The following GAB1 variants were observed in gnomAD, a reference collection of about 807,000 sequenced individuals.
GAB1 encodes the protein GRB2 associated binding protein 1.
Under a neutral mutation model 66.5 loss-of-function variants are expected in GAB1, and 19 were observed. The ratio of observed to expected loss-of-function variants is 0.29; its 90% CI spans 0.20 to 0.42. GAB1 has a LOEUF of 0.42. Ranked by LOEUF, GAB1 falls within the 10% of genes least tolerant of loss-of-function variation. The probability of loss-of-function intolerance (pLI) is 1.00; values close to 1 mark genes in which losing one functional copy is unlikely to be tolerated. For synonymous variants in GAB1, 294 were observed against 301.4 expected (o/e 0.98, Z 0.25); for missense variants, 732 against 858.5 (o/e 0.85, Z 1.84).
chr4:143,371,107 C>G (rs1730103253), intron 1 of GAB1, among the ~76,000 whole-genome samples: 1 of 152,088 alleles, frequency 6.6e-6, no homozygotes, highest in African/African-American at 2.4e-5. Context: ...AGTTCTAGAT[C>G]CCTGAGGAAT....
At chr4:143,346,309 C>T (rs747631209) in intron 1 of GAB1, among the ~76,000 whole-genome samples, 2 of 152,178 alleles carry the variant, frequency 1.3e-5, no homozygotes, top group Non-Finnish European at 2.9e-5. Flanking sequence ...TGAAATGCAG[C>T]TTTTAGTTAC....
chr4:143,459,742 G>A (rs1735385788), intron 7 of GAB1, among the ~76,000 whole-genome samples: 1 of 152,048 alleles, frequency 6.6e-6, no homozygotes. Context: ...CAATAGAAAT[G>A]TGTATTTGTG....
intron 2 of GAB1, among the ~76,000 whole-genome samples, chr4:143,422,950 A>G (rs1039160982): frequency 1.3e-5 from 2 of 152,262 alleles, no homozygotes; most frequent in African/African-American, 2.4e-5. Context: ...GCTTGATACC[A>G]GCATTACTTA....
intron 1 of GAB1, among the ~76,000 whole-genome samples, chr4:143,341,563 G>GT (rs1289221432): frequency 6.6e-6 from 1 of 152,230 alleles, no homozygotes; most frequent in African/African-American, 2.4e-5. Context: ...AAGGTGGCCT[G>GT]TTAGCTGACA....
chr4:143,464,770 C>T (rs1735692462), intron 8 of GAB1, among the ~76,000 whole-genome samples: 1 of 152,148 alleles, frequency 6.6e-6, no homozygotes, highest in Non-Finnish European at 1.5e-5. Context: ...AAAAAGGTTC[C>T]ATACCAGCTA....
intron 8 of GAB1, among the ~76,000 whole-genome samples, chr4:143,465,069 TAC>T (rs1490615671): frequency 1.3e-5 from 2 of 152,156 alleles, no homozygotes; most frequent in Admixed American, 6.5e-5. Context: ...TAATGAGAAA[TAC>T]ACAGTCTTGC....
intron 2 of GAB1, among the ~76,000 whole-genome samples, chr4:143,427,424 G>T (rs1340773614): frequency 6.6e-6 from 1 of 151,902 alleles, no homozygotes; most frequent in Non-Finnish European, 1.5e-5. Flanking sequence ...GACAAACCGG[G>T]TTATTAAAAA....
At chr4:143,361,948 A>G (rs1484329447) in intron 1 of GAB1, among the ~76,000 whole-genome samples, 1 of 151,734 alleles carries the variant, frequency 6.6e-6, no homozygotes, top group Non-Finnish European at 1.5e-5. Context: ...TTTAAGAAAC[A>G]TGATCTTGTT....
intron 1 of GAB1, among the ~76,000 whole-genome samples, chr4:143,412,552 G>A (rs1281431554): frequency 1.3e-5 from 2 of 152,144 alleles, no homozygotes; most frequent in African/African-American, 4.8e-5. Context: ...TGTTTGGGGA[G>A]TTACGTACTA....
intron 8 of GAB1, among the ~76,000 whole-genome samples, chr4:143,465,365 C>T (rs1376572786): frequency 6.6e-6 from 1 of 152,182 alleles, no homozygotes; most frequent in East Asian, 1.9e-4. Flanking sequence ...CTGTACAAAT[C>T]ATCTGAAATG....
At chr4:143,428,725 T>G (rs1733492672) in intron 2 of GAB1, among the ~76,000 whole-genome samples, 1 of 151,780 alleles carries the variant, frequency 6.6e-6, no homozygotes, top group South Asian at 2.1e-4. Flanking sequence ...ATGAGAAGTT[T>G]TGAAACATTT....
chr4:143,372,797 A>C (rs1266731308), intron 1 of GAB1, among the ~76,000 whole-genome samples: 2 of 152,184 alleles, frequency 1.3e-5, no homozygotes, highest in Non-Finnish European at 2.9e-5. Context: ...TCATATTTGC[A>C]TGGAGTGTTC....
intron 2 of GAB1, chr4:143,424,816 G>T (rs532333764): frequency 3.0e-6 from 1 of 330,384 alleles, no homozygotes; most frequent in Non-Finnish European, 5.7e-6. Flanking sequence ...TTAGCTGGGC[G>T]TGGTGGCGTG....
chr4:143,423,789 AGTGT>A (rs1733156174), intron 2 of GAB1, among the ~76,000 whole-genome samples: 1 of 83,494 alleles, frequency 1.2e-5, no homozygotes, highest in Admixed American at 1.7e-4. Context: ...AAAAAAAAAA[AGTGT>A]ATATATATAT....
At chr4:143,375,154 C>T (rs543603670) in intron 1 of GAB1, among the ~76,000 whole-genome samples, 1 of 152,264 alleles carries the variant, frequency 6.6e-6, no homozygotes, top group African/African-American at 2.4e-5. Context: ...CACCATGTTG[C>T]CCAAGGTGGT....
intron 6 of GAB1, among the ~76,000 whole-genome samples, chr4:143,442,005 C>G (rs1221320166): frequency 6.6e-6 from 1 of 152,210 alleles, no homozygotes; most frequent in Non-Finnish European, 1.5e-5. Flanking sequence ...AGGATGTGAG[C>G]ATCAGAGGCT....
At chr4:143,390,808 C>A (rs150319261) in intron 1 of GAB1, among the ~76,000 whole-genome samples, 115 of 152,266 alleles carry the variant, frequency 7.6e-4, no homozygotes, top group Middle Eastern at 3.4e-3. Context: ...CAGATTTCTT[C>A]CATCTTGTTG....
At chr4:143,446,192 A>C (rs1734516436) in intron 6 of GAB1, among the ~76,000 whole-genome samples, 1 of 152,034 alleles carries the variant, frequency 6.6e-6, no homozygotes, top group Non-Finnish European at 1.5e-5. Context: ...CCAGTCTATC[A>C]TTGTTGGACA....
intron 1 of GAB1, among the ~76,000 whole-genome samples, chr4:143,397,236 C>T: frequency 6.6e-6 from 1 of 152,116 alleles, no homozygotes; most frequent in Middle Eastern, 3.4e-3. Flanking sequence ...TAGCAAAAAA[C>T]AAACAAAAAA....
Sources: gnomAD v4.1 joint callset for allele counts (sites outside exome capture counted in the v4.1 genomes callset) on GRCh38, gnomAD v4.1.1 for gene constraint, MANE v1.5 for transcripts, NCBI Gene and HGNC (gene_info 2026-07-23, HGNC 2026-07-21) for gene names.